Variants in ETHE1 observed in about 807,000 individuals in gnomAD.
ETHE1 encodes persulfide dioxygenase ETHE1, mitochondrial.
A neutral mutation model predicts 25.7 loss-of-function variants in ETHE1; 16 were observed. The observed-to-expected ratio is 0.62, with a 90% confidence interval of 0.42 to 0.95. The LOEUF (loss-of-function observed/expected upper bound fraction) is 0.95. Among genes scored for constraint, ETHE1 ranks in the 40% least tolerant of loss-of-function variants. The pLI, the probability that ETHE1 is intolerant of heterozygous loss-of-function variation, is 0.00. For missense variants in ETHE1, 300 were observed against 333.6 expected, an observed-to-expected ratio of 0.90 and a Z score of 0.79; for synonymous variants, 139 against 135.9, an observed-to-expected ratio of 1.02 and a Z score of -0.16.
At chr19:43,525,618 G>C (rs1331560184) in intron 3 of ETHE1, 1 of 155,962 alleles carries the variant, frequency 6.4e-6, no homozygotes, top group African/African-American at 2.4e-5. Context: ...GGAACCTTTA[G>C]ACTTCCCAGT....
At chr19:43,510,075 C>T (rs1235176557) in intron 4 of ETHE1, among the ~76,000 whole-genome samples, 2 of 152,092 alleles carry the variant, frequency 1.3e-5, no homozygotes, top group Admixed American at 6.6e-5. Context: ...GTGGCTTCCA[C>T]GGCCATCTCA....
intron 3 of ETHE1, among the ~76,000 whole-genome samples, chr19:43,524,479 A>C (rs1972200831): frequency 6.6e-6 from 1 of 151,464 alleles, no homozygotes; most frequent in Non-Finnish European, 1.5e-5. Flanking sequence ...GTCTTTTTGG[A>C]GTAATGGAAA....
intron 3 of ETHE1, among the ~76,000 whole-genome samples, chr19:43,516,607 TTTTC>T (rs916917831): frequency 1.4e-5 from 2 of 145,846 alleles, no homozygotes; most frequent in African/African-American, 5.1e-5. Context: ...CCTGGCTTTT[TTTTC>T]TTTCTTTTTT....
intron 3 of ETHE1, among the ~76,000 whole-genome samples, 197 bp from the exon 4 acceptor site, chr19:43,511,763 C>T (rs937367593): frequency 2.6e-5 from 4 of 152,078 alleles, no homozygotes; most frequent in South Asian, 2.1e-4. Flanking sequence ...AAAATAAAAC[C>T]GCAAAGCTGT....
chr19:43,525,154 G>GAAA (rs71890992), intron 3 of ETHE1, among the ~76,000 whole-genome samples: 1 of 134,080 alleles, frequency 7.5e-6, no homozygotes, highest in African/African-American at 2.7e-5. Flanking sequence ...AAGAAAGAAA[G>GAAA]AAAAAAAAAA....
intron 4 of ETHE1, among the ~76,000 whole-genome samples, chr19:43,509,486 G>A (rs1476738278): frequency 2.1e-5 from 3 of 139,714 alleles, no homozygotes; most frequent in East Asian, 2.1e-4. Flanking sequence ...GATAGAGCGC[G>A]GCTCTGTCTC....
At chr19:43,523,534 C>T (rs1972178051) in intron 3 of ETHE1, among the ~76,000 whole-genome samples, 1 of 151,950 alleles carries the variant, frequency 6.6e-6, no homozygotes, top group African/African-American at 2.4e-5. Flanking sequence ...ACCTCAGCCT[C>T]TCAACGTACT....
chr19:43,526,183 A>T lies in ETHE1; in HGVS notation c.375+18T>A, dbSNP rs754866830. 1.2e-6 allele frequency: 2 copies of T among 1,614,030 alleles called. No individual in the cohort carries two copies. Among genetic ancestry groups the T allele is most frequent in the Non-Finnish European group, 1.7e-6 (2 of 1,179,994 alleles). ...AGTCCAGGCCACCACCCTCTTGGGG[A>T]CCCAGCACCCAACTCACGAAGCGCC... On this transcript the variant is annotated intron_variant, in intron 3 of 6. Coordinates refer to ENST00000292147, the MANE Select transcript of ETHE1 (RefSeq NM_014297.5).
chr19:43,519,830 A>C (rs952333169), intron 3 of ETHE1, among the ~76,000 whole-genome samples: 34 of 152,154 alleles, frequency 2.2e-4, no homozygotes, highest in Non-Finnish European at 4.4e-5. Context: ...AACCCTACAC[A>C]CTATGCTTTT....
chr19:43,512,954 G>A (rs1971948051), intron 3 of ETHE1, among the ~76,000 whole-genome samples: 1 of 152,230 alleles, frequency 6.6e-6, no homozygotes, highest in African/African-American at 2.4e-5. Flanking sequence ...GCTGTTTTGT[G>A]CAGTCTCAGG....
intron 3 of ETHE1, among the ~76,000 whole-genome samples, chr19:43,523,437 C>G (rs556054609): frequency 4.6e-5 from 7 of 151,860 alleles, no homozygotes; most frequent in Admixed American, 4.6e-4. Context: ...ACCACCATAC[C>G]GCTTAATTTT....
At chr19:43,507,321 CCTCCTCCCTCAGACCCAGG>C (rs1971798678) in intron 6 of ETHE1, among the ~76,000 whole-genome samples, 1 of 111,950 alleles carries the variant, frequency 8.9e-6, no homozygotes, top group East Asian at 3.0e-4. Flanking sequence ...GCCCCCAGCC[CCTCCTCCCTCAGACCCAGG>C]AGCCCAGGTC....
chr19:43,519,787 C>G (rs1181524220), intron 3 of ETHE1, among the ~76,000 whole-genome samples: 1 of 152,088 alleles, frequency 6.6e-6, no homozygotes, highest in Non-Finnish European at 1.5e-5. Context: ...TTTCAAGACC[C>G]GGAGTGGATG....
chr19:43,512,635 T>C (rs1971939249), intron 3 of ETHE1, among the ~76,000 whole-genome samples: 1 of 152,134 alleles, frequency 6.6e-6, no homozygotes, highest in African/African-American at 2.4e-5. Context: ...TTAAAAGCAT[T>C]CACTTCAGTT....
Position 43,526,341 on chromosome 19 carries a change from G to C in ETHE1, c.235C>G (p.His79Asp). ...GLRLLYAVNT[H>D]CHADHITGSG... ...CCTGTAATGTGGTCCGCGTGGCAGT[G>C]GGTATTCACTGGGAGAGAGAGGAGG... is the stretch of plus-strand genomic sequence containing the variant. The change falls in exon 3 of 7, where the codon CAC (histidine) becomes GAC (aspartate). Residue 79 changes from histidine (H) to aspartate (D), a missense_variant. Coordinates refer to ENST00000292147, the MANE Select transcript of ETHE1 (RefSeq NM_014297.5). 2.5e-6 allele frequency: 4 copies of C among 1,614,168 alleles called. No individual in the cohort carries two copies. The highest frequency in any genetic ancestry group is 3.4e-6 in the Non-Finnish European group (4 of 1,180,032).
chr19:43,525,718 C>A (rs1600017942), intron 3 of ETHE1: 1 of 219,390 alleles, frequency 4.6e-6, no homozygotes, highest in East Asian at 1.2e-4. Context: ...CCTGCACTTA[C>A]AGGACCCTGA....
At chr19:43,518,113 GAAAAC>G (rs1435794449) in intron 3 of ETHE1, among the ~76,000 whole-genome samples, 1 of 150,186 alleles carries the variant, frequency 6.7e-6, no homozygotes, top group Non-Finnish European at 1.5e-5. Flanking sequence ...TAATAAAAAA[GAAAAC>G]AAAACAAAAA....
rs538131206 is a variant in ETHE1, at chr19:43,511,663, T to C, written c.376-97A>G. ...ACCCTACCCCAGGGTCTTATCTAGA[T>C]AAACATTTTGGTAAAAAATGTAGAT... On this transcript the variant is annotated intron_variant, in intron 3 of 6. Coordinates refer to ENST00000292147, the MANE Select transcript of ETHE1 (RefSeq NM_014297.5). 6.6e-5 allele frequency: 92 copies of C among 1,392,832 alleles called. No homozygotes were observed. The East Asian group carries it at 1.0e-3, about 16-fold the overall frequency. 86.3% of individuals were successfully genotyped at this position (1,392,832 alleles called of 1,614,324 possible).
chr19:43,523,730 G>A (rs544660941), intron 3 of ETHE1, among the ~76,000 whole-genome samples: 47 of 151,918 alleles, frequency 3.1e-4, no homozygotes, highest in African/African-American at 9.9e-4. Context: ...GAGGTCAGGA[G>A]TTTGAGACCA....
Sources: gnomAD v4.1 joint callset for allele counts (sites outside exome capture counted in the v4.1 genomes callset) on GRCh38, gnomAD v4.1.1 for gene constraint, MANE v1.5 for transcripts, NCBI Gene and HGNC (gene_info 2026-07-23, HGNC 2026-07-21) for gene names.